PLBD1: variants seen among roughly 807,000 people sequenced by gnomAD.
The protein encoded by PLBD1 is lysosomal leucine aminopeptidase.
PLBD1 carries 60 observed loss-of-function variants against 63.0 expected under a neutral mutation model. The ratio of observed to expected loss-of-function variants is 0.95; its 90% confidence interval spans 0.77 to 1.18. PLBD1 has a LOEUF of 1.18. PLBD1 is among the 50% of genes most tolerant of loss of function. The pLI is 0.00. For synonymous variants in PLBD1, 262 were observed against 248.0 expected (o/e 1.06, Z -0.53); for missense variants, 598 against 677.9 (o/e 0.88, Z 1.31).
intron 1 of PLBD1, among the ~76,000 whole-genome samples, chr12:14,556,611 C>T (rs911123849): frequency 2.6e-4 from 40 of 151,316 alleles, no homozygotes; most frequent in East Asian, 9.9e-4. Flanking sequence ...TCAGGTGATC[C>T]GCCTGCCTCG....
chr12:14,565,570 T>C (rs1217588459), intron 1 of PLBD1, among the ~76,000 whole-genome samples: 1 of 152,164 alleles, frequency 6.6e-6, no homozygotes, highest in East Asian at 1.9e-4. Context: ...GGGATGGACA[T>C]GCAATCCCTT....
intron 1 of PLBD1, among the ~76,000 whole-genome samples, chr12:14,564,773 A>G (rs1945767610): frequency 6.6e-6 from 1 of 151,994 alleles, no homozygotes; most frequent in Middle Eastern, 3.2e-3. Flanking sequence ...CAGTTTTACC[A>G]ATATACATAC....
At chr12:14,537,088 CA>C (rs371859037) in intron 4 of PLBD1, among the ~76,000 whole-genome samples, 3,900 of 53,420 alleles carry the variant, frequency 0.073, 51 homozygotes, top group African/African-American at 0.14. Context: ...GACCGCATCT[CA>C]AAAAAAAAAA....
At chr12:14,510,425 T>C (rs545783680) in intron 8 of PLBD1, among the ~76,000 whole-genome samples, 2 of 152,274 alleles carry the variant, frequency 1.3e-5, no homozygotes, top group Non-Finnish European at 2.9e-5. Context: ...TAAAAACCAC[T>C]AAAAGTTTCT....
At chr12:14,520,846 C>T (rs1354264734) in intron 6 of PLBD1, among the ~76,000 whole-genome samples, 7 of 152,194 alleles carry the variant, frequency 4.6e-5, no homozygotes, top group African/African-American at 1.7e-4. Context: ...GAGAATTCTG[C>T]AGTTTTCACA....
chr12:14,518,085 G>A (rs1945348703), intron 6 of PLBD1, among the ~76,000 whole-genome samples: 1 of 152,104 alleles, frequency 6.6e-6, no homozygotes, highest in Non-Finnish European at 1.5e-5. Flanking sequence ...GAAGGCTGAG[G>A]CACGAGAATC....
intron 2 of PLBD1, among the ~76,000 whole-genome samples, chr12:14,549,405 C>G (rs1233960376): frequency 6.6e-6 from 1 of 152,190 alleles, no homozygotes; most frequent in Non-Finnish European, 1.5e-5. Flanking sequence ...GACTGCAAAG[C>G]AGAGGTCCTC....
intron 6 of PLBD1, among the ~76,000 whole-genome samples, chr12:14,531,807 T>G (rs1242067908): frequency 3.3e-5 from 5 of 152,120 alleles, no homozygotes; most frequent in Admixed American, 6.5e-5. Flanking sequence ...GATTTTTTTG[T>G]ATTTTTGCAG....
chr12:14,566,075 C>T (rs929056888), intron 1 of PLBD1, among the ~76,000 whole-genome samples: 116 of 152,308 alleles, frequency 7.6e-4, no homozygotes, highest in African/African-American at 2.8e-3. Context: ...CTTAATCTCA[C>T]TCGTCCAAAA....
rs1257822235 is a variant in PLBD1 at position 14,553,314 on chromosome 12, T to C, written c.214A>G (p.Asn72Asp). The part of the protein sequence containing the change: ...KNGDAYGFYN[N>D]SVKTTGWGIL... ...CCCCAGCCTGTGGTTTTCACAGAGT[T>C]ATTGTAAAAGCCATAGGCGTCCCCA... The change falls in exon 2 of 11, where the codon AAC (asparagine) becomes GAC (aspartate). Residue 72 changes from asparagine to aspartate, a missense_variant. Asn to Asp is a conservative substitution (Grantham distance 23). Coordinates refer to ENST00000240617, the MANE Select transcript of PLBD1 (RefSeq NM_024829.6). 2 of 1,614,180 alleles carry C rather than the reference T, an allele frequency of 1.2e-6. No individual in the cohort carries two copies. The highest frequency in any genetic ancestry group is 4.5e-5 in the East Asian group (2 of 44,884).
intron 2 of PLBD1, among the ~76,000 whole-genome samples, chr12:14,543,372 T>C (rs574588032): frequency 6.6e-6 from 1 of 152,338 alleles, no homozygotes; most frequent in East Asian, 1.9e-4. Context: ...CTCCATCATG[T>C]TATTGTTCAA....
intron 6 of PLBD1, among the ~76,000 whole-genome samples, chr12:14,533,740 C>G (rs570341148): frequency 5.9e-5 from 9 of 152,324 alleles, no homozygotes; most frequent in Admixed American, 5.9e-4. Context: ...CCCAGTCCCC[C>G]TCAATGCTAA....
At chr12:14,539,181 T>C (rs1344293322) in intron 4 of PLBD1, among the ~76,000 whole-genome samples, 2 of 152,120 alleles carry the variant, frequency 1.3e-5, no homozygotes, top group Non-Finnish European at 2.9e-5. Flanking sequence ...GGAACACTGC[T>C]TAGAAGAGTG....
intron 10 of PLBD1, among the ~76,000 whole-genome samples, chr12:14,504,685 G>T (rs1945237115): frequency 6.6e-6 from 1 of 152,168 alleles, no homozygotes; most frequent in African/African-American, 2.4e-5. Context: ...ATTAATCAGG[G>T]TGGTAACAAG....
Position 14,506,216 on chromosome 12 carries a change from G to A in PLBD1, c.1425C>T (p.Cys475=), listed in dbSNP as rs1945254258. Reference sequence around the variant, plus strand: ...GGTTAGGTGAGTTCAGGTCCTCACGGCAGCAGATGGTATTACAGGGGTCAC... The same window carrying A: ...GGTTAGGTGAGTTCAGGTCCTCACGACAGCAGATGGTATTACAGGGGTCAC... ...SRGDPCNTIC[C]REDLNSPNPS... The change falls in exon 10 of 11, where the codon TGC becomes TGT. Residue 475 remains cysteine, a synonymous_variant. Coordinates refer to ENST00000240617, the MANE Select transcript of PLBD1 (RefSeq NM_024829.6). 1 of 1,613,088 alleles carries A rather than the reference G, an allele frequency of 6.2e-7. No homozygotes were observed. The highest frequency in any genetic ancestry group is 1.1e-5 in the South Asian group (1 of 90,910).
chr12:14,548,626 T>C (rs1945634455), intron 2 of PLBD1, among the ~76,000 whole-genome samples: 2 of 152,184 alleles, frequency 1.3e-5, no homozygotes, highest in African/African-American at 4.8e-5. Context: ...CACCACTGAC[T>C]ACTTTCTCTA....
intron 6 of PLBD1, among the ~76,000 whole-genome samples, chr12:14,513,424 T>G (rs1945314288): frequency 6.6e-6 from 1 of 152,220 alleles, no homozygotes; most frequent in Non-Finnish European, 1.5e-5. Flanking sequence ...TTTCTACTAA[T>G]GTGCAAAAAA....
chr12:14,546,027 A>G (rs1945613686), intron 2 of PLBD1, among the ~76,000 whole-genome samples: 1 of 152,172 alleles, frequency 6.6e-6, no homozygotes, highest in Non-Finnish European at 1.5e-5. Flanking sequence ...TGCTCTTAAA[A>G]TGAGTTACAT....
At chr12:14,542,714 A>T (rs1592005470) in intron 2 of PLBD1, among the ~76,000 whole-genome samples, 1 of 152,222 alleles carries the variant, frequency 6.6e-6, no homozygotes, top group East Asian at 1.9e-4. Context: ...ACCATAAATA[A>T]TGTATAGAAT....
Sources: allele counts gnomAD v4.1 joint callset (sites outside exome capture counted in the v4.1 genomes callset), GRCh38; gene constraint gnomAD v4.1.1; transcripts MANE v1.5; gene names NCBI Gene and HGNC (gene_info 2026-07-23, HGNC 2026-07-21).